FGFR4: variants seen among roughly 807,000 people sequenced by gnomAD.
FGFR4 encodes fibroblast growth factor receptor 4.
A neutral mutation model predicts 89.9 loss-of-function variants in FGFR4; 63 were observed. The ratio of observed to expected loss-of-function variants is 0.70; its 90% CI spans 0.57 to 0.86. The LOEUF is 0.86. Among genes scored for constraint, FGFR4 ranks in the 40% least tolerant of loss-of-function variants. FGFR4 has a pLI of 0.00. For synonymous variants in FGFR4, 486 were observed against 479.4 expected (o/e 1.01, Z -0.18); for missense variants, 928 against 1,106.7 (o/e 0.84, Z 2.29).
intron 5 of FGFR4, 116 bp from the exon 6 acceptor site, chr5:177,091,569 A>T: frequency 7.1e-7 from 1 of 1,412,960 alleles, no homozygotes; most frequent in African/African-American, 1.4e-5. Flanking sequence ...TGATGTTCTC[A>T]GGGCCTAGAG....
chr5:177,091,342 G>C (rs1279200014), intron 5 of FGFR4, among the ~76,000 whole-genome samples: 1 of 152,204 alleles, frequency 6.6e-6, no homozygotes, highest in African/African-American at 2.4e-5. Flanking sequence ...ATCACTGACT[G>C]GTTGGTCTGC....
intron 16 of FGFR4, among the ~76,000 whole-genome samples, chr5:177,096,946 CTTCCTCCTT>C (rs1562077766): frequency 1.2e-4 from 13 of 104,240 alleles, no homozygotes; most frequent in East Asian, 3.5e-4. Flanking sequence ...TCCTCCTCCT[CTTCCTCCTT>C]CTCCTCCTGC....
rs111315496 is a variant in FGFR4, at chr5:177,088,190, C to T, written c.-54+1113C>T. On this transcript the variant is annotated intron_variant, in intron 1 of 17. Transcript: ENST00000292408. ...GCCTCAGCCTCCCGAGTAGCTGGGA[C>T]TACAGGCGCCCGCCACCGCGCCCGG... 3.2e-4 allele frequency: 51 copies of T among 159,932 alleles called. No individual in the cohort carries two copies. The East Asian group carries it at 7.0e-3, about 22-fold the overall frequency. 9.9% of individuals were successfully genotyped at this position (159,932 alleles called of 1,614,324 possible).
Position 177,096,052 on chromosome 5 carries a change from T to G in FGFR4, c.1822-5T>G. 1 of 1,613,206 alleles carries G rather than the reference T, an allele frequency of 6.2e-7. No individual in the cohort carries two copies. Among genetic ancestry groups the G allele is most frequent in the South Asian group, 1.1e-5 (1 of 90,976 alleles). On this transcript the variant is annotated splice_polypyrimidine_tract_variant and splice_region_variant and intron_variant, in intron 13 of 17. Transcript: ENST00000292408. ...CTGAGGCACCCAAGCCCCCGCTCCC[T>G]GCAGTGTATCCACCGGGACCTGGCT...
At chr5:177,091,485 TCCAAAGGCTCAAA>T (rs1784364934) in intron 5 of FGFR4, among the ~76,000 whole-genome samples, 187 bp from the exon 6 acceptor site, 1 of 152,130 alleles carries the variant, frequency 6.6e-6, no homozygotes, top group African/African-American at 2.4e-5. Context: ...GAGCTAAAAT[TCCAAAGGCTCAAA>T]CCCAAGGCTC....
In FGFR4 at chr5:177,095,424, T is replaced by C. The variant is rs138449854; in HGVS notation, c.1614T>C (p.Gly538=). Residue 538 remains glycine, a synonymous_variant, in exon 12 of 18, where the codon GGT becomes GGC. Transcript: ENST00000292408. The surrounding 1 kb of genome is among the most constrained non-coding windows in gnomAD (Gnocchi z 5.7). The part of the protein sequence containing the change: ...GRHKNIINLL[G]VCTQEGPLYV... ...ACAAGAACATCATCAACCTGCTTGGTGTCTGCACCCAGGAAGGTGGGGCCG... is the reference window on the plus strand; with the variant it reads ...ACAAGAACATCATCAACCTGCTTGGCGTCTGCACCCAGGAAGGTGGGGCCG... The C allele has an allele frequency of 2.7e-4, 438 of 1,614,052 alleles. No homozygotes were observed. Among genetic ancestry groups the C allele is most frequent in the Non-Finnish European group, 3.5e-4 (410 of 1,180,028 alleles).
In FGFR4 at chr5:177,093,839, G is replaced by T; in HGVS notation, c.1519+64G>T. 6.5e-7 allele frequency: 1 copy of T among 1,542,564 alleles called. No homozygotes were observed. The highest frequency in any genetic ancestry group is 1.2e-5 in the South Asian group (1 of 86,218). On this transcript the variant is annotated intron_variant, in intron 11 of 17. Transcript: ENST00000292408. This position sits in a 1 kb window ranked among gnomAD's most constrained non-coding sequence, Gnocchi z 5.8. ...CCAGCACTTTAGGAGGCTGAGGGTGGGAGGATCGCTTGAATCCAGGAATTC... is the reference window on the plus strand; with the variant it reads ...CCAGCACTTTAGGAGGCTGAGGGTGTGAGGATCGCTTGAATCCAGGAATTC...
At chr5:177,094,588 C>G (rs1784484762) in intron 11 of FGFR4, among the ~76,000 whole-genome samples, 1 of 151,802 alleles carries the variant, frequency 6.6e-6, no homozygotes, top group Non-Finnish European at 1.5e-5. Context: ...TGCTTGCACC[C>G]AGGCCCAGCC....
rs1409743498 is a variant in FGFR4 at position 177,090,647 on chromosome 5, A to G, written c.349A>G (p.Thr117Ala). ...CGTCCTGCAGAATCTCACCTTGATTACAGGTGGTAAGAGACTCTAGCAGGG... is the reference window on the plus strand; with the variant it reads ...CGTCCTGCAGAATCTCACCTTGATTGCAGGTGGTAAGAGACTCTAGCAGGG... Reference protein sequence around the residue: ...MIVLQNLTLITGDSLTSSNDD... With the variant: ...MIVLQNLTLIAGDSLTSSNDD... The change falls in exon 3 of 18, where the codon ACA (threonine) becomes GCA (alanine). Residue 117 changes from threonine (T) to alanine (A), a missense_variant. Coordinates refer to ENST00000292408, the MANE Select transcript of FGFR4 (RefSeq NM_213647.3). 3 of 1,522,838 alleles carry G rather than the reference A, an allele frequency of 2.0e-6. No homozygotes were observed. The Admixed American group carries it at 6.6e-5, about 34-fold the overall frequency. 94.3% of individuals were successfully genotyped at this position (1,522,838 alleles called of 1,614,324 possible).
Position 177,090,817 on chromosome 5 carries a change from C to T in FGFR4, c.428C>T (p.Pro143Leu), listed in dbSNP as rs1236743193. The stretch of plus-strand genomic sequence containing the variant: ...GACCCCTCGAATAGGCACAGTTACC[C>T]CCAGCAAGGTCAGTAGGTCTCCAAG... ...HRDPSNRHSYPQQAPYWTHPQ... is the reference protein window; with the variant it reads ...HRDPSNRHSYLQQAPYWTHPQ... Residue 143 changes from proline to leucine, a missense_variant, in exon 4 of 18, where the codon CCC (proline) becomes CTC (leucine). Coordinates refer to ENST00000292408, the MANE Select transcript of FGFR4 (RefSeq NM_213647.3). 6.2e-7 allele frequency: 1 copy of T among 1,614,116 alleles called. No homozygotes were observed. The highest frequency in any genetic ancestry group is 2.2e-5 in the East Asian group (1 of 44,882).
At chr5:177,089,511 T>C in intron 1 of FGFR4, 39 bp from the exon 2 acceptor site, 1 of 1,495,942 alleles carries the variant, frequency 6.7e-7, no homozygotes, top group Non-Finnish European at 8.9e-7. Flanking sequence ...CCCACAAAGG[T>C]GCACGTGTAG....
chr5:177,096,548 T>TA (rs1446245200), intron 15 of FGFR4, 56 bp from the exon 16 acceptor site: 6 of 1,602,146 alleles, frequency 3.7e-6, no homozygotes, highest in Non-Finnish European at 5.1e-6. Flanking sequence ...TCCCCCGTCC[T>TA]AGCCCCGGTC....
chr5:177,089,652 C>T lies in FGFR4; in HGVS notation c.50C>T (p.Pro17Leu), dbSNP rs200148492. The stretch of plus-strand genomic sequence containing the variant: ...GGGGTCCTGCTGAGTGTGCCTGGGC[C>T]TCCAGTCTTGTCCCTGGAGGCCTCT... ...LLGVLLSVPG[P>L]PVLSLEASEE... Residue 17 changes from proline to leucine, a missense_variant, in exon 2 of 18, where the codon CCT (proline) becomes CTT (leucine). Physicochemically the swap from Pro to Leu is moderately conservative, Grantham distance 98 (BLOSUM62 -3). Coordinates refer to ENST00000292408, the MANE Select transcript of FGFR4 (RefSeq NM_213647.3). 2 of 1,614,010 alleles carry T rather than the reference C, an allele frequency of 1.2e-6. No individual in the cohort carries two copies. Among genetic ancestry groups the T allele is most frequent in the Non-Finnish European group, 1.7e-6 (2 of 1,180,000 alleles).
rs770815575 is a variant in FGFR4 at position 177,092,480 on chromosome 5, C to G, written c.887C>G (p.Ala296Gly). The change falls in exon 7 of 18, where the codon GCC (alanine) becomes GGC (glycine). Residue 296 changes from alanine (A) to glycine (G), a missense_variant. Ala to Gly is a moderately conservative substitution (Grantham distance 60, BLOSUM62 0). Around this residue, in one of 5 missense-constraint regions of FGFR4, gnomAD observed 741 missense variants for 836.9 expected, o/e 0.89. Transcript: ENST00000292408. ...GTCATCAACGGCAGCAGCTTCGGAGCCGACGGTTTCCCCTATGTGCAAGTC... is the reference window on the plus strand; with the variant it reads ...GTCATCAACGGCAGCAGCTTCGGAGGCGACGGTTTCCCCTATGTGCAAGTC... ...HIVINGSSFGADGFPYVQVLK... is the reference protein window; with the variant it reads ...HIVINGSSFGGDGFPYVQVLK... 1.3e-6 allele frequency: 2 copies of G among 1,592,230 alleles called. No individual in the cohort carries two copies. The highest frequency in any genetic ancestry group is 1.3e-5 in the African/African-American group (1 of 74,450).
chr5:177,095,318 C>T lies in FGFR4; in HGVS notation c.1520-12C>T, dbSNP rs756498394. ...GAGGGCAGCCTCTTCACCCCGTCTG[C>T]TGCCCTTACAGACAACGCCTCTGAC... is the stretch of plus-strand genomic sequence containing the variant. On this transcript the variant is annotated splice_polypyrimidine_tract_variant and intron_variant, in intron 11 of 17. Transcript: ENST00000292408. This position sits in a 1 kb window ranked among gnomAD's most constrained non-coding sequence, Gnocchi z 5.7. 1 of 1,612,130 alleles carries T rather than the reference C, an allele frequency of 6.2e-7. No homozygotes were observed. The highest frequency in any genetic ancestry group is 1.7e-5 in the Admixed American group (1 of 60,022).
intron 16 of FGFR4, 110 bp downstream of exon 16, chr5:177,096,851 C>T: frequency 8.0e-7 from 1 of 1,252,040 alleles, no homozygotes; most frequent in Non-Finnish European, 1.1e-6. Flanking sequence ...ACAACAACTC[C>T]TCGTCCTCCT....
At position 177,092,724 on chromosome 5, in the gene FGFR4, T is replaced by G; in HGVS notation, c.997T>G (p.Cys333Gly). 6.2e-7 allele frequency: 1 copy of G among 1,614,240 alleles called. No individual in the cohort carries two copies. Reference sequence around the variant, plus strand: ...AGCCGAGGACGCAGGCGAGTACACCTGCCTCGCAGGCAATTCCATCGGCCT... The same window carrying G: ...AGCCGAGGACGCAGGCGAGTACACCGGCCTCGCAGGCAATTCCATCGGCCT... ...VSAEDAGEYTCLAGNSIGLSY... is the reference protein window; with the variant it reads ...VSAEDAGEYTGLAGNSIGLSY... The change falls in exon 8 of 18, where the codon TGC (cysteine) becomes GGC (glycine). Residue 333 changes from cysteine to glycine, a missense_variant. Physicochemically the swap from Cys to Gly is radical, Grantham distance 159. This residue lies in a region of FGFR4 where 741 missense variants were observed against 836.9 expected (regional missense o/e 0.89). Transcript: ENST00000292408.
rs770964713 is a variant in FGFR4, at chr5:177,094,382, GAGA to G, written c.1519+612_1519+614del. On this transcript the variant is annotated intron_variant, in intron 11 of 17. Coordinates refer to ENST00000292408, the MANE Select transcript of FGFR4 (RefSeq NM_213647.3). ...TCTTCACCACTGGGGTGATGATGAT[GAGA>G]AGAATTTGGTGTGACAGGCTTGATA... is the stretch of plus-strand genomic sequence containing the variant. 5.9e-5 allele frequency among the ~76,000 whole-genome samples: 9 copies of G among 152,256 alleles called. No individual in the cohort carries two copies. In the South Asian group the frequency reaches 6.2e-4, roughly 11 times the overall value.
Position 177,093,536 on chromosome 5 carries a change from AG to A in FGFR4, c.1383del (p.Glu461AspfsTer13). The A allele has an allele frequency of 1.9e-6, 3 of 1,613,630 alleles. No homozygotes were observed. Among genetic ancestry groups the A allele is most frequent in the Non-Finnish European group, 2.5e-6 (3 of 1,179,822 alleles). ...SLDLPLDPLWEFPRDRLVLGK... is the reference protein window; with the variant it reads ...SLDLPLDPLWXFPRDRLVLGK... ...GATCTACCTCTCGACCCACTATGGG[AG>A]TTCCCCCGGGACAGGTGCGCTGAGC... On this transcript the variant is annotated frameshift_variant, in exon 10 of 18. Coordinates refer to ENST00000292408, the MANE Select transcript of FGFR4 (RefSeq NM_213647.3). LOFTEE classifies it high-confidence loss of function. The surrounding 1 kb of genome is among the most constrained non-coding windows in gnomAD (Gnocchi z 5.8).
Sources: allele counts gnomAD v4.1 joint callset (sites outside exome capture counted in the v4.1 genomes callset), GRCh38; gene constraint gnomAD v4.1.1; regional missense constraint gnomAD v4.1.1; non-coding constraint Gnocchi (gnomAD v3.1); transcripts MANE v1.5; gene names NCBI Gene and HGNC (gene_info 2026-07-23, HGNC 2026-07-21).